The following ULBP2 variants were observed in gnomAD, a reference collection of about 807,000 sequenced individuals.
ULBP2 encodes UL16-binding protein 2.
In ULBP2, 21 loss-of-function variants were observed where a neutral mutation model predicts 23.6. That is an observed-to-expected ratio of 0.89 (90% CI 0.63 to 1.28). ULBP2 has a LOEUF of 1.28. Ranked by LOEUF, ULBP2 falls within the 50% of genes most tolerant of loss-of-function variation. The probability of loss-of-function intolerance (pLI) is 0.00; values close to 1 mark genes in which losing one functional copy is unlikely to be tolerated. For missense variants in ULBP2, 251 were observed against 306.0 expected, an observed-to-expected ratio of 0.82 and a Z score of 1.34; for synonymous variants, 82 against 112.8, an observed-to-expected ratio of 0.73 and a Z score of 1.73.
At position 149,946,841 on chromosome 6, in the gene ULBP2, C is replaced by T. The variant is rs1378725401; in HGVS notation, c.631+188C>T. The T allele has an allele frequency of 9.9e-6, 10 of 1,009,242 alleles. No individual in the cohort carries two copies. In the East Asian group the frequency reaches 2.3e-4, roughly 24 times the overall value. The allele number at this position is 1,009,242 out of a possible 1,614,324, so 62.5% of individuals were successfully genotyped here. A position where few individuals can be genotyped will look rare whatever the true frequency, so the allele number is the denominator to read the frequency against. ...TCCCACCGTCCTCTTCCTTCTCCCT[C>T]CTGACTCCTATTCCTCACTGCACTT... On this transcript the variant is annotated intron_variant, in intron 3 of 4. Coordinates refer to ENST00000367351, the MANE Select transcript of ULBP2 (RefSeq NM_025217.4).
intron 1 of ULBP2, among the ~76,000 whole-genome samples, chr6:149,943,907 G>T (rs897137672): frequency 2.8e-4 from 43 of 152,064 alleles, no homozygotes; most frequent in African/African-American, 1.0e-3. Flanking sequence ...ACTTAAGGTA[G>T]GTCCAGCCTC....
At chr6:149,946,823 G>A (rs530857549) in intron 3 of ULBP2, 170 bp downstream of exon 3, 212 of 1,146,550 alleles carry the variant, frequency 1.8e-4, no homozygotes, top group African/African-American at 9.3e-4. Flanking sequence ...CTCTCCCACC[G>A]TCCTCTTCCT....
At chr6:149,946,859 C>T (rs994993073) in intron 3 of ULBP2, among the ~76,000 whole-genome samples, 13 of 152,318 alleles carry the variant, frequency 8.5e-5, no homozygotes, top group Admixed American at 2.6e-4. Context: ...CTATTCCTCA[C>T]TGCACTTGCT....
At chr6:149,948,179 C>G (rs1298745294) in intron 4 of ULBP2, among the ~76,000 whole-genome samples, 1 of 152,184 alleles carries the variant, frequency 6.6e-6, no homozygotes, top group Non-Finnish European at 1.5e-5. Context: ...AGAGTGGACT[C>G]AGAGGAAGGG....
At chr6:149,946,759 G>C (rs1400815147) in intron 3 of ULBP2, 106 bp downstream of exon 3, 1 of 1,550,196 alleles carries the variant, frequency 6.5e-7, no homozygotes, top group Non-Finnish European at 8.7e-7. Context: ...ACACATTCAC[G>C]TTAAAATGAC....
chr6:149,942,628 T>C (rs1269580980), intron 1 of ULBP2, among the ~76,000 whole-genome samples: 1 of 151,348 alleles, frequency 6.6e-6, no homozygotes, highest in Non-Finnish European at 1.5e-5. Context: ...CAGGGCTGCG[T>C]GCCCTTGAAT....
At chr6:149,943,940 A>G (rs1223520414) in intron 1 of ULBP2, among the ~76,000 whole-genome samples, 3 of 151,898 alleles carry the variant, frequency 2.0e-5, no homozygotes, top group Admixed American at 6.5e-5. Flanking sequence ...TGGATTGTCT[A>G]TGGCTGCTTT....
At chr6:149,946,239 A>G (rs1161997469) in intron 2 of ULBP2, 133 bp from the exon 3 acceptor site, 4 of 1,208,554 alleles carry the variant, frequency 3.3e-6, no homozygotes, top group Non-Finnish European at 4.6e-6. Context: ...TGGGAAGGTC[A>G]TCATACCCCT....
Position 149,945,587 on chromosome 6 carries a change from G to A in ULBP2, c.349+15G>A. 6.2e-7 allele frequency: 1 copy of A among 1,613,964 alleles called. No homozygotes were observed. Among genetic ancestry groups the A allele is most frequent in the Non-Finnish European group, 8.5e-7 (1 of 1,179,868 alleles). On this transcript the variant is annotated intron_variant, in intron 2 of 4. Coordinates refer to ENST00000367351, the MANE Select transcript of ULBP2 (RefSeq NM_025217.4). ...CACACCCAAGGGTAAGTTTCAGATG[G>A]CCCAGGACAGCAGGGAACAGATACA... is the stretch of plus-strand genomic sequence containing the variant.
intron 4 of ULBP2, among the ~76,000 whole-genome samples, chr6:149,948,488 T>G (rs960711188): frequency 5.3e-5 from 8 of 152,192 alleles, no homozygotes; most frequent in African/African-American, 1.9e-4. Context: ...GCTTCAGACC[T>G]GCAGGCCCCT....
At chr6:149,943,096 C>T (rs1009633377) in intron 1 of ULBP2, among the ~76,000 whole-genome samples, 3 of 152,106 alleles carry the variant, frequency 2.0e-5, no homozygotes, top group Admixed American at 1.3e-4. Context: ...CTTTGCAGGC[C>T]GTGGGTTCTC....
chr6:149,942,910 C>G (rs1036289002), intron 1 of ULBP2, among the ~76,000 whole-genome samples: 7 of 152,164 alleles, frequency 4.6e-5, no homozygotes. Context: ...GGATGGGAAG[C>G]ACCATTTCCT....
chr6:149,946,575 T>A lies in ULBP2; in HGVS notation c.553T>A (p.Phe185Ile), dbSNP rs557480807. The change falls in exon 3 of 5, where the codon TTC becomes ATC. Residue 185 changes from phenylalanine to isoleucine, a missense_variant. This residue lies in a region of ULBP2 where 248 missense variants were observed against 258.9 expected (regional missense o/e 0.96). Transcript: ENST00000367351. ...GGTTGTGGCCATGTCCTTCCATTACTTCTCAATGGGAGACTGTATAGGATG... is the reference window on the plus strand; with the variant it reads ...GGTTGTGGCCATGTCCTTCCATTACATCTCAATGGGAGACTGTATAGGATG... ...DKVVAMSFHY[F>I]SMGDCIGWLE... The A allele has an allele frequency of 1.9e-5, 30 of 1,614,056 alleles. 1 individual carries two copies. The highest frequency in any genetic ancestry group is 1.1e-4 in the East Asian group (5 of 44,878).
At chr6:149,946,709 A>G (rs764708831) in intron 3 of ULBP2, 56 bp downstream of exon 3, 3 of 1,601,818 alleles carry the variant, frequency 1.9e-6, no homozygotes, top group South Asian at 1.1e-5. Context: ...GGTGACCTCA[A>G]GAAGTTAGTT....
chr6:149,945,248 G>A, intron 1 of ULBP2, 61 bp from the exon 2 acceptor site: 1 of 1,581,940 alleles, frequency 6.3e-7, no homozygotes, highest in Non-Finnish European at 8.6e-7. Context: ...ACACAGCGTG[G>A]AGGGGGGCTA....
chr6:149,945,201 T>C, intron 1 of ULBP2, 108 bp from the exon 2 acceptor site: 2 of 1,377,578 alleles, frequency 1.5e-6, no homozygotes, highest in South Asian at 2.7e-5. Flanking sequence ...CACTCCTTCC[T>C]GGGCCAGCCC....
At position 149,946,462 on chromosome 6, in the gene ULBP2, T is replaced by C. The variant is rs570023030; in HGVS notation, c.440T>C (p.Ile147Thr). The C allele has an allele frequency of 9.9e-6, 16 of 1,614,184 alleles. No homozygotes were observed. Among genetic ancestry groups the C allele is most frequent in the South Asian group, 7.7e-5 (7 of 91,082 alleles). Residue 147 changes from isoleucine to threonine, a missense_variant, in exon 3 of 5, where the codon ATC (isoleucine) becomes ACC (threonine). By Grantham distance (89) the Ile-to-Thr change is moderately conservative. Transcript: ENST00000367351. ...TGGCAGTTCAGTTTCGATGGGCAGATCTTCCTCCTCTTTGACTCAGAGAAG... is the reference window on the plus strand; with the variant it reads ...TGGCAGTTCAGTTTCGATGGGCAGACCTTCCTCCTCTTTGACTCAGAGAAG... ...GSWQFSFDGQ[I>T]FLLFDSEKRM...
chr6:149,943,107 C>G (rs557740674), intron 1 of ULBP2, among the ~76,000 whole-genome samples: 1 of 152,148 alleles, frequency 6.6e-6, no homozygotes, highest in African/African-American at 2.4e-5. Flanking sequence ...GTGGGTTCTC[C>G]GTCTCAGTGT....
chr6:149,947,195 C>T (rs987524512), intron 3 of ULBP2, 125 bp from the exon 4 acceptor site: 2 of 1,574,030 alleles, frequency 1.3e-6, no homozygotes, highest in African/African-American at 2.7e-5. Context: ...CTGGCTGCCC[C>T]ACACCAGGGG....
Sources: gnomAD v4.1 joint callset for allele counts (sites outside exome capture counted in the v4.1 genomes callset) on GRCh38, gnomAD v4.1.1 for gene constraint, gnomAD v4.1.1 regional missense constraint, MANE v1.5 for transcripts, NCBI Gene and HGNC (gene_info 2026-07-23, HGNC 2026-07-21) for gene names.